Variants in GAN observed in about 807,000 individuals in gnomAD.
GAN encodes the protein epididymis secretory sperm binding protein.
GAN carries 48 observed loss-of-function variants against 71.3 expected under a neutral mutation model. The ratio of observed to expected loss-of-function variants is 0.67; its 90% CI spans 0.53 to 0.86. The LOEUF (loss-of-function observed/expected upper bound fraction) is 0.86, where lower values mean the gene tolerates loss of function less well. Ranked by LOEUF, GAN falls within the 40% of genes least tolerant of loss-of-function variation. The pLI, the probability that GAN is intolerant of heterozygous loss-of-function variation, is 0.00. For missense variants in GAN, 928 were observed against 770.1 expected (o/e 1.21, Z -2.43); for synonymous variants, 386 against 276.8 (o/e 1.39, Z -3.92).
chr16:81,357,379 A>C (rs111939336), intron 4 of GAN, among the ~76,000 whole-genome samples: 3 of 152,074 alleles, frequency 2.0e-5, no homozygotes, highest in African/African-American at 4.8e-5. Flanking sequence ...TTCTTGCGAT[A>C]GTTTACTGAG....
At position 81,383,504 on chromosome 16, in the gene GAN, C is replaced by A. The variant is rs1426611930; in HGVS notation, c.*5908C>A. The A allele has an allele frequency of 6.6e-6, 1 of 151,466 alleles. No homozygotes were observed. Among genetic ancestry groups the A allele is most frequent in the Admixed American group, 6.6e-5 (1 of 15,218 alleles). The allele number at this position is 151,466 out of a possible 1,614,324, so 9.4% of individuals were successfully genotyped here. On this transcript the variant is annotated 3_prime_UTR_variant, in exon 11 of 11. Coordinates refer to ENST00000648994, the MANE Select transcript of GAN (RefSeq NM_022041.4). ...CCTAAACTTCGTGATCCGCCCGCCT[C>A]AGCCTCCCAAAGTGCTGGATTACAG...
rs549692283 is a variant in GAN, at chr16:81,372,444, G to A, written c.1503-4775G>A. ...GATAGCTAAATTGTTCAGGGTCGGTGAGATGATAAATGACATGTAAAACCT... is the reference window on the plus strand; with the variant it reads ...GATAGCTAAATTGTTCAGGGTCGGTAAGATGATAAATGACATGTAAAACCT... On this transcript the variant is annotated intron_variant, in intron 9 of 10. Coordinates refer to ENST00000648994, the MANE Select transcript of GAN (RefSeq NM_022041.4). Among the ~76,000 whole-genome samples the A allele has an allele frequency of 1.8e-3, 280 of 152,206 alleles. 1 individual carries two copies. The highest frequency in any genetic ancestry group is 3.5e-3 in the Non-Finnish European group (237 of 68,028).
intron 1 of GAN, among the ~76,000 whole-genome samples, chr16:81,341,610 C>A (rs1164569437): frequency 6.6e-6 from 1 of 152,130 alleles, no homozygotes; most frequent in East Asian, 1.9e-4. Context: ...ACCAGGCCTG[C>A]CTTACAAGAG....
In GAN at chr16:81,315,083, C is replaced by A; in HGVS notation, c.-31C>A. On this transcript the variant is annotated 5_prime_UTR_variant, in exon 1 of 11. Coordinates refer to ENST00000648994, the MANE Select transcript of GAN (RefSeq NM_022041.4). ...GGTCCGGCCGGACGGTGTCGGGAGC[C>A]GGACCCGTCGGCAGAGGAGCGGGCG... 1.4e-6 allele frequency: 2 copies of A among 1,461,354 alleles called. No individual in the cohort carries two copies. Among genetic ancestry groups the A allele is most frequent in the Non-Finnish European group, 1.8e-6 (2 of 1,100,756 alleles). 90.5% of individuals were successfully genotyped at this position (1,461,354 alleles called of 1,614,324 possible). A position where few individuals can be genotyped will look rare whatever the true frequency, so the allele number is the denominator to read the frequency against.
rs1423971007 is a variant in GAN at position 81,382,419 on chromosome 16, A to G, written c.*4823A>G. The G allele has an allele frequency of 6.6e-6, 1 of 152,238 alleles. No individual in the cohort carries two copies. Among genetic ancestry groups the G allele is most frequent in the Non-Finnish European group, 1.5e-5 (1 of 68,038 alleles). The allele number at this position is 152,238 out of a possible 1,614,324, so 9.4% of individuals were successfully genotyped here. ...TTTTCTTTGTTAGTTAGCTATAGGA[A>G]GGTTAAGAATTTATTTACTAAGGTC... On this transcript the variant is annotated 3_prime_UTR_variant, in exon 11 of 11. Coordinates refer to ENST00000648994, the MANE Select transcript of GAN (RefSeq NM_022041.4).
intron 3 of GAN, among the ~76,000 whole-genome samples, chr16:81,355,931 G>A (rs1013436954): frequency 2.0e-5 from 3 of 152,186 alleles, no homozygotes; most frequent in Admixed American, 6.5e-5. Context: ...GTAGTGTTCT[G>A]CTTTCCATGT....
At chr16:81,366,053 T>C (rs1910847356) in intron 9 of GAN, among the ~76,000 whole-genome samples, 1 of 152,236 alleles carries the variant, frequency 6.6e-6, no homozygotes, top group African/African-American at 2.4e-5. Context: ...AAAAGCTCCC[T>C]TCCCGCTGTC....
intron 6 of GAN, among the ~76,000 whole-genome samples, chr16:81,363,037 T>C (rs1374068858): frequency 6.6e-6 from 1 of 152,246 alleles, no homozygotes; most frequent in African/African-American, 2.4e-5. Context: ...CTGGTCAGTA[T>C]TTCATTTTCA....
At chr16:81,328,690 A>C (rs887164831) in intron 1 of GAN, among the ~76,000 whole-genome samples, 7 of 146,618 alleles carry the variant, frequency 4.8e-5, no homozygotes, top group Non-Finnish European at 6.0e-5. Context: ...TTTTAGATCT[A>C]TCACCATTCC....
chr16:81,333,112 C>T (rs908546068), intron 1 of GAN, among the ~76,000 whole-genome samples: 14 of 152,036 alleles, frequency 9.2e-5, no homozygotes, highest in Non-Finnish European at 1.8e-4. Context: ...GTAGGTGGCA[C>T]GCACCTGTAG....
rs1364380486 is a variant in GAN at position 81,366,253 on chromosome 16, C to G, written c.1502+775C>G. On this transcript the variant is annotated intron_variant, in intron 9 of 10. Coordinates refer to ENST00000648994, the MANE Select transcript of GAN (RefSeq NM_022041.4). ...GGTCCACCTTCGTCAGCTCTGTATC[C>G]TGGCTTCCAGCATCCTACCTGTCTG... 2.0e-5 allele frequency among the ~76,000 whole-genome samples: 3 copies of G among 152,198 alleles called. No homozygotes were observed. The East Asian group carries it at 5.8e-4, about 29-fold the overall frequency.
intron 1 of GAN, among the ~76,000 whole-genome samples, chr16:81,343,207 A>C (rs777138269): frequency 3.9e-5 from 6 of 152,244 alleles, no homozygotes; most frequent in Non-Finnish European, 7.3e-5. Flanking sequence ...AGGAGCTGGT[A>C]CCATTCCTTC....
In GAN at chr16:81,381,955, A is replaced by G. The variant is rs1567503255; in HGVS notation, c.*4359A>G. On this transcript the variant is annotated 3_prime_UTR_variant, in exon 11 of 11. Transcript: ENST00000648994. ...CAATGCCAAGTGCCTGATGTACATG[A>G]TGTACAGTCTTCTGATTGTACCCTC... 1 of 152,102 alleles carries G rather than the reference A, an allele frequency of 6.6e-6. No homozygotes were observed. The highest frequency in any genetic ancestry group is 1.5e-5 in the Non-Finnish European group (1 of 68,022). 9.4% of individuals were successfully genotyped at this position (152,102 alleles called of 1,614,324 possible). A position where few individuals can be genotyped will look rare whatever the true frequency, so the allele number is the denominator to read the frequency against.
intron 9 of GAN, among the ~76,000 whole-genome samples, chr16:81,371,675 T>A (rs1032876761): frequency 1.3e-5 from 2 of 152,108 alleles, no homozygotes; most frequent in African/African-American, 4.8e-5. Context: ...ACTTTGGAGA[T>A]CCTGGTTGCC....
At chr16:81,359,767 A>G (rs1289647852) in intron 5 of GAN, among the ~76,000 whole-genome samples, 2 of 152,200 alleles carry the variant, frequency 1.3e-5, no homozygotes, top group Admixed American at 6.5e-5. Context: ...TGTTTTTACT[A>G]TACATCCATA....
chr16:81,322,946 T>G (rs1909266037), intron 1 of GAN, among the ~76,000 whole-genome samples: 1 of 152,180 alleles, frequency 6.6e-6, no homozygotes, highest in South Asian at 2.1e-4. Flanking sequence ...GCCAGAAGTT[T>G]AAGGACAGCG....
chr16:81,377,942 C>G lies in GAN; in HGVS notation c.*346C>G. The G allele has an allele frequency of 2.9e-6, 1 of 340,058 alleles. No homozygotes were observed. Among genetic ancestry groups the G allele is most frequent in the Non-Finnish European group, 5.6e-6 (1 of 178,212 alleles). The allele number at this position is 340,058 out of a possible 1,614,324, so 21.1% of individuals were successfully genotyped here. ...AGGTGCATTTTCCCTGAAGGGAACT[C>G]ATGTCTGACTGCTGTATTCAAATAC... On this transcript the variant is annotated 3_prime_UTR_variant, in exon 11 of 11. Coordinates refer to ENST00000648994, the MANE Select transcript of GAN (RefSeq NM_022041.4).
At position 81,379,001 on chromosome 16, in the gene GAN, A is replaced by G. The variant is rs1219945108; in HGVS notation, c.*1405A>G. On this transcript the variant is annotated 3_prime_UTR_variant, in exon 11 of 11. Transcript: ENST00000648994. ...CAATGTCAAATTTCTAATCAATTTAATATACAGTACTTCATTTTTAATTGT... is the reference window on the plus strand; with the variant it reads ...CAATGTCAAATTTCTAATCAATTTAGTATACAGTACTTCATTTTTAATTGT... 1 of 152,152 alleles carries G rather than the reference A, an allele frequency of 6.6e-6. No homozygotes were observed. Among genetic ancestry groups the G allele is most frequent in the Non-Finnish European group, 1.5e-5 (1 of 68,018 alleles). The allele number at this position is 152,152 out of a possible 1,614,324, so 9.4% of individuals were successfully genotyped here. A position where few individuals can be genotyped will look rare whatever the true frequency, so the allele number is the denominator to read the frequency against.
At chr16:81,333,497 G>A (rs1909656544) in intron 1 of GAN, among the ~76,000 whole-genome samples, 1 of 152,172 alleles carries the variant, frequency 6.6e-6, no homozygotes, top group African/African-American at 2.4e-5. Context: ...CAACTGGGGA[G>A]GAATAGGCTA....
Sources: allele counts gnomAD v4.1 joint callset (sites outside exome capture counted in the v4.1 genomes callset), GRCh38; gene constraint gnomAD v4.1.1; transcripts MANE v1.5; gene names NCBI Gene and HGNC (gene_info 2026-07-23, HGNC 2026-07-21).